The following CDH7 variants were observed in gnomAD, a reference collection of about 807,000 sequenced individuals.
CDH7 encodes the protein cadherin 7, also known as cadherin-7.
Under a neutral mutation model 71.8 loss-of-function variants are expected in CDH7, and 25 were observed. The observed-to-expected ratio is 0.35, with a 90% CI of 0.25 to 0.49. The LOEUF is 0.49. Ranked by LOEUF, CDH7 falls within the 20% of genes least tolerant of loss-of-function variation. The probability of loss-of-function intolerance (pLI) is 0.99; values close to 1 mark genes in which losing one functional copy is unlikely to be tolerated. For missense variants in CDH7, 862 were observed against 974.6 expected (o/e 0.88, Z 1.54); for synonymous variants, 381 against 363.8 (o/e 1.05, Z -0.54).
chr18:65,805,666 A>C (rs576455715), intron 2 of CDH7, among the ~76,000 whole-genome samples: 1 of 152,344 alleles, frequency 6.6e-6, no homozygotes, highest in African/African-American at 2.4e-5. Flanking sequence ...ATAAACAGCC[A>C]CAATTGGCTG....
chr18:65,815,061 G>A (rs1204854285), intron 4 of CDH7, among the ~76,000 whole-genome samples: 1 of 152,076 alleles, frequency 6.6e-6, no homozygotes, highest in Non-Finnish European at 1.5e-5. Flanking sequence ...AACAATTAGG[G>A]TGATGATCTG....
intron 2 of CDH7, among the ~76,000 whole-genome samples, chr18:65,777,221 T>G (rs1909980200): frequency 6.6e-6 from 1 of 152,266 alleles, no homozygotes; most frequent in South Asian, 2.1e-4. Flanking sequence ...AGTGTAATTC[T>G]GCAATATAAA....
At position 65,843,829 on chromosome 18, in the gene CDH7, C is replaced by A; in HGVS notation, c.999C>A (p.Ala333=). 1 of 1,518,200 alleles carries A rather than the reference C, an allele frequency of 6.6e-7. No homozygotes were observed. 94.0% of individuals were successfully genotyped at this position (1,518,200 alleles called of 1,614,324 possible). ...CTTTACAGGAGCTGGATTTTGAAGCCAAAACAAGTTACACGCTACGGATAG... is the reference window on the plus strand; with the variant it reads ...CTTTACAGGAGCTGGATTTTGAAGCAAAAACAAGTTACACGCTACGGATAG... ...ITIQKELDFE[A]KTSYTLRIEA... Residue 333 remains alanine, a synonymous_variant, in exon 7 of 12, where the codon GCC becomes GCA. Transcript: ENST00000397968.
chr18:65,778,529 C>CTTTTTTTTTTTTTTTTT (rs1156727313), intron 2 of CDH7, among the ~76,000 whole-genome samples: 2,431 of 83,510 alleles, frequency 0.029, 215 homozygotes, highest in Middle Eastern at 0.051. Flanking sequence ...GCGTCTCACT[C>CTTTTTTTTTTTTTTTTT]TTTTTTTTTT....
At chr18:65,795,483 A>G (rs1372929545) in intron 2 of CDH7, among the ~76,000 whole-genome samples, 1 of 152,108 alleles carries the variant, frequency 6.6e-6, no homozygotes, top group Non-Finnish European at 1.5e-5. Flanking sequence ...GGGTAGTTCA[A>G]ATTGAAATAG....
chr18:65,776,181 A>G (rs1445312494), intron 2 of CDH7, among the ~76,000 whole-genome samples: 2 of 152,050 alleles, frequency 1.3e-5, no homozygotes, highest in Non-Finnish European at 2.9e-5. Context: ...TAGAGATGGA[A>G]TCTTGCCATT....
At chr18:65,846,536 G>A (rs976737013) in intron 7 of CDH7, among the ~76,000 whole-genome samples, 2 of 151,958 alleles carry the variant, frequency 1.3e-5, no homozygotes, top group Non-Finnish European at 2.9e-5. Context: ...GTTTTTACAC[G>A]ATTTTCATAA....
At chr18:65,858,317 C>A (rs757758766) in intron 8 of CDH7, among the ~76,000 whole-genome samples, 30 of 151,748 alleles carry the variant, frequency 2.0e-4, no homozygotes, top group Non-Finnish European at 4.3e-4. Flanking sequence ...TATTCTGATA[C>A]TGAACTAAGT....
In CDH7 at chr18:65,882,585, G is replaced by T. The variant is rs1361566035; in HGVS notation, c.*1691G>T. ...CTTTAGAAATGAAGTATGTAAAAGT[G>T]GCCTTCAACTTCATAAGTATAAATA... On this transcript the variant is annotated 3_prime_UTR_variant, in exon 12 of 12. Coordinates refer to ENST00000397968, the MANE Select transcript of CDH7 (RefSeq NM_004361.5). 6.6e-6 allele frequency: 1 copy of T among 151,968 alleles called. No homozygotes were observed. The highest frequency in any genetic ancestry group is 2.4e-5 in the African/African-American group (1 of 41,390). The allele number at this position is 151,968 out of a possible 1,614,324, so 9.4% of individuals were successfully genotyped here.
chr18:65,822,028 A>G, intron 4 of CDH7, 53 bp from the exon 5 acceptor site: 1 of 1,347,158 alleles, frequency 7.4e-7, no homozygotes, highest in Non-Finnish European at 1.1e-6. Flanking sequence ...ATTCTTTGTT[A>G]GTATAAATGC....
intron 2 of CDH7, among the ~76,000 whole-genome samples, chr18:65,798,607 G>A (rs1456972778): frequency 6.6e-6 from 1 of 152,162 alleles, no homozygotes; most frequent in Non-Finnish European, 1.5e-5. Context: ...GTAGGATTGG[G>A]CAGTAAAAGT....
chr18:65,796,482 G>A (rs1011673484), intron 2 of CDH7, among the ~76,000 whole-genome samples: 1 of 152,148 alleles, frequency 6.6e-6, no homozygotes, highest in African/African-American at 2.4e-5. Context: ...TTCCTGGGAT[G>A]TACAATATAC....
intron 2 of CDH7, among the ~76,000 whole-genome samples, chr18:65,774,516 C>G (rs8096722): frequency 0.44 from 66,825 of 151,552 alleles, 17,505 homozygotes; most frequent in African/African-American, 0.74. Flanking sequence ...CCTCCAAGCA[C>G]AATGATAGCC....
At chr18:65,812,909 A>G (rs1367338052) in intron 3 of CDH7, among the ~76,000 whole-genome samples, 2 of 152,246 alleles carry the variant, frequency 1.3e-5, no homozygotes, top group African/African-American at 4.8e-5. Context: ...GAAAGAGAGA[A>G]CATCAATGTA....
At chr18:65,785,567 T>C (rs1478181561) in intron 2 of CDH7, among the ~76,000 whole-genome samples, 3 of 151,730 alleles carry the variant, frequency 2.0e-5, no homozygotes, top group African/African-American at 7.3e-5. Context: ...AGATATTACT[T>C]ATATAGGAGA....
intron 4 of CDH7, among the ~76,000 whole-genome samples, chr18:65,814,984 A>G (rs892598165): frequency 6.6e-6 from 1 of 152,182 alleles, no homozygotes; most frequent in Non-Finnish European, 1.5e-5. Flanking sequence ...GCCATGTAAT[A>G]TAATAGGTAG....
In CDH7 at chr18:65,811,041, T is replaced by C. The variant is rs189575330; in HGVS notation, c.505+1043T>C. The stretch of plus-strand genomic sequence containing the variant: ...TGTAATTTAAGCATAGGAAATCTTA[T>C]AAAAAATACAAAGTTATTAGACTGG... On this transcript the variant is annotated intron_variant, in intron 3 of 11. Coordinates refer to ENST00000397968, the MANE Select transcript of CDH7 (RefSeq NM_004361.5). 2.0e-5 allele frequency among the ~76,000 whole-genome samples: 3 copies of C among 152,260 alleles called. No homozygotes were observed. The East Asian group carries it at 5.8e-4, about 29-fold the overall frequency.
At position 65,881,132 on chromosome 18, in the gene CDH7, T is replaced by G; in HGVS notation, c.*238T>G. The G allele has an allele frequency of 2.6e-6, 1 of 381,438 alleles. No individual in the cohort carries two copies. Among genetic ancestry groups the G allele is most frequent in the Non-Finnish European group, 4.6e-6 (1 of 215,706 alleles). The allele number at this position is 381,438 out of a possible 1,614,324, so 23.6% of individuals were successfully genotyped here. ...ACAGACTCTGAGCATTTGAAGGTTT[T>G]TTGATAAAAATAAATGCTCAGTGGT... On this transcript the variant is annotated 3_prime_UTR_variant, in exon 12 of 12. Coordinates refer to ENST00000397968, the MANE Select transcript of CDH7 (RefSeq NM_004361.5).
At chr18:65,860,278 G>A (rs2144033316) in intron 10 of CDH7, among the ~76,000 whole-genome samples, 1 of 152,076 alleles carries the variant, frequency 6.6e-6, no homozygotes, top group South Asian at 2.1e-4. Context: ...TTACATAAAT[G>A]CAAATGTAAT....
Sources: gnomAD v4.1 joint callset for allele counts (sites outside exome capture counted in the v4.1 genomes callset) on GRCh38, gnomAD v4.1.1 for gene constraint, MANE v1.5 for transcripts, NCBI Gene and HGNC (gene_info 2026-07-23, HGNC 2026-07-21) for gene names.